The following NLGN1 variants were observed in gnomAD, a reference collection of about 807,000 sequenced individuals.
The protein encoded by NLGN1 is neuroligin 1, also known as neuroligin-1.
A neutral mutation model predicts 65.5 loss-of-function variants in NLGN1; 12 were observed. The ratio of observed to expected loss-of-function variants is 0.18; its 90% confidence interval spans 0.12 to 0.30. The LOEUF is 0.30. Among genes scored for constraint, NLGN1 ranks in the 10% least tolerant of loss-of-function variants. The pLI is 1.00. For missense variants in NLGN1, 750 were observed against 1,007.1 expected (o/e 0.74, Z 3.46); for synonymous variants, 350 against 359.5 (o/e 0.97, Z 0.30).
Position 173,545,804 on chromosome 3 carries a change from T to A in NLGN1, c.-320-58475T>A, listed in dbSNP as rs1333526019. ...TTCATGTTCTTTGCAGGGATATGGA[T>A]GAAGCTGGAAACCACCATTCTCAGC... On this transcript the variant is annotated intron_variant, in intron 2 of 6. Transcript: ENST00000457714. Among the ~76,000 whole-genome samples the A allele has an allele frequency of 2.0e-5, 3 of 152,238 alleles. No homozygotes were observed. The East Asian group carries it at 5.8e-4, about 29-fold the overall frequency.
At chr3:173,782,017 G>A (rs1378180309) in intron 3 of NLGN1, among the ~76,000 whole-genome samples, 1 of 152,084 alleles carries the variant, frequency 6.6e-6, no homozygotes, top group Non-Finnish European at 1.5e-5. Flanking sequence ...ATTTCTCCTT[G>A]CTTTTTTAGT....
At chr3:173,825,486 TTC>T (rs1349789355) in intron 4 of NLGN1, among the ~76,000 whole-genome samples, 1 of 152,076 alleles carries the variant, frequency 6.6e-6, no homozygotes, top group Non-Finnish European at 1.5e-5. Context: ...GTAAGATGTA[TTC>T]TGTTAGTTAA....
In NLGN1 at chr3:173,659,734, T is replaced by C. The variant is rs1760640945; in HGVS notation, c.493+54643T>C. ...TGTGTACCTTATGGTTTCTTATTTATGATTCTCTGGGCTTCTGTGTGCGTG... is the reference window on the plus strand; with the variant it reads ...TGTGTACCTTATGGTTTCTTATTTACGATTCTCTGGGCTTCTGTGTGCGTG... On this transcript the variant is annotated intron_variant, in intron 3 of 6. Coordinates refer to ENST00000457714, the Ensembl canonical transcript of NLGN1. Among the ~76,000 whole-genome samples the C allele has an allele frequency of 3.3e-5, 5 of 151,742 alleles. No individual in the cohort carries two copies. In the South Asian group the frequency reaches 1.0e-3, roughly 31 times the overall value.
chr3:173,492,147 A>C (rs1415141667), intron 2 of NLGN1, among the ~76,000 whole-genome samples: 1 of 151,930 alleles, frequency 6.6e-6, no homozygotes, highest in East Asian at 1.9e-4. Flanking sequence ...TGAAATAATA[A>C]TACTTACATC....
chr3:173,519,733 T>A (rs1608396), intron 2 of NLGN1, among the ~76,000 whole-genome samples: 59,173 of 151,760 alleles, frequency 0.39, 13,164 homozygotes, highest in East Asian at 0.8. Context: ...TTTTACACCC[T>A]TTTAAGTGAC....
intron 3 of NLGN1, among the ~76,000 whole-genome samples, chr3:173,736,893 T>C (rs897295482): frequency 6.6e-6 from 1 of 152,096 alleles, no homozygotes; most frequent in Non-Finnish European, 1.5e-5. Context: ...CTCTGTTTAA[T>C]TATGAGCAAT....
intron 4 of NLGN1, among the ~76,000 whole-genome samples, chr3:174,268,633 G>A (rs1748737457): frequency 6.6e-6 from 1 of 152,108 alleles, no homozygotes; most frequent in Non-Finnish European, 1.5e-5. Context: ...AACATTGAGT[G>A]TAACATAGAA....
chr3:173,569,157 A>G (rs1427795823), intron 2 of NLGN1, among the ~76,000 whole-genome samples: 2 of 152,214 alleles, frequency 1.3e-5, no homozygotes, highest in Non-Finnish European at 2.9e-5. Flanking sequence ...AACATTAGGC[A>G]CAATTTGAAA....
intron 4 of NLGN1, among the ~76,000 whole-genome samples, chr3:173,923,726 T>G (rs2152269715): frequency 6.6e-6 from 1 of 152,260 alleles, no homozygotes; most frequent in African/African-American, 2.4e-5. Context: ...AAAATATTGG[T>G]GATTGTATTT....
At chr3:174,232,800 A>G (rs898306828) in intron 4 of NLGN1, among the ~76,000 whole-genome samples, 2 of 152,308 alleles carry the variant, frequency 1.3e-5, no homozygotes, top group Admixed American at 1.3e-4. Flanking sequence ...CTCAGGGAGA[A>G]TAGATGGTAA....
intron 4 of NLGN1, among the ~76,000 whole-genome samples, chr3:174,245,147 T>C (rs73882733): frequency 0.12 from 18,284 of 152,126 alleles, 1,885 homozygotes; most frequent in African/African-American, 0.27. Flanking sequence ...TTTTGTGTAA[T>C]AGATGTACTG....
chr3:173,992,201 A>G (rs1721261585), intron 4 of NLGN1, among the ~76,000 whole-genome samples: 2 of 152,154 alleles, frequency 1.3e-5, no homozygotes, highest in African/African-American at 4.8e-5. Context: ...GCACACACAC[A>G]TAATATATGT....
At chr3:174,140,322 A>G (rs573601989) in intron 4 of NLGN1, among the ~76,000 whole-genome samples, 1 of 152,254 alleles carries the variant, frequency 6.6e-6, no homozygotes, top group Non-Finnish European at 1.5e-5. Context: ...CTTTTAACAT[A>G]TTCATTATTT....
intron 4 of NLGN1, among the ~76,000 whole-genome samples, chr3:173,918,549 C>T (rs566359568): frequency 4.7e-5 from 7 of 149,634 alleles, no homozygotes; most frequent in Non-Finnish European, 7.4e-5. Flanking sequence ...AGGAGAATCA[C>T]TTGAACCTGG....
intron 3 of NLGN1, among the ~76,000 whole-genome samples, chr3:173,779,978 A>T (rs766472396): frequency 3.9e-5 from 6 of 152,186 alleles, no homozygotes; most frequent in African/African-American, 1.2e-4. Flanking sequence ...TGTCTTTGCC[A>T]GAAAATGTTA....
At chr3:173,487,547 T>C (rs1374287052) in intron 2 of NLGN1, among the ~76,000 whole-genome samples, 1 of 152,090 alleles carries the variant, frequency 6.6e-6, no homozygotes, top group Non-Finnish European at 1.5e-5. Flanking sequence ...ACATTAGATA[T>C]TAACCTATCT....
intron 2 of NLGN1, among the ~76,000 whole-genome samples, chr3:173,498,498 G>A (rs1454021374): frequency 6.6e-6 from 1 of 151,752 alleles, no homozygotes; most frequent in Non-Finnish European, 1.5e-5. Flanking sequence ...ATTGTGAATA[G>A]TGCCGCAATA....
chr3:174,134,479 GA>G (rs1168086443), intron 4 of NLGN1, among the ~76,000 whole-genome samples: 6 of 151,976 alleles, frequency 3.9e-5, no homozygotes, highest in Non-Finnish European at 8.8e-5. Context: ...CATTACGGAT[GA>G]AAAAAAGTCT....
intron 4 of NLGN1, among the ~76,000 whole-genome samples, chr3:173,968,649 T>C (rs1407676129): frequency 1.3e-5 from 2 of 150,442 alleles, no homozygotes; most frequent in South Asian, 2.1e-4. Flanking sequence ...TTTTGATGTG[T>C]CCACCTTCTC....
Sources: gnomAD v4.1 joint callset for allele counts (sites outside exome capture counted in the v4.1 genomes callset) on GRCh38, gnomAD v4.1.1 for gene constraint, MANE v1.5 for transcripts, NCBI Gene and HGNC (gene_info 2026-07-23, HGNC 2026-07-21) for gene names.